The following DOK6 variants were observed in gnomAD, a reference collection of about 807,000 sequenced individuals.
DOK6 encodes the protein docking protein 6.
Under a neutral mutation model 44.0 loss-of-function variants are expected in DOK6, and 22 were observed. The observed-to-expected ratio is 0.50, with a 90% CI of 0.36 to 0.71. DOK6 has a LOEUF of 0.71. DOK6 is among the 30% of genes least tolerant of loss of function. The pLI, the probability that DOK6 is intolerant of heterozygous loss-of-function variation, is 0.00. For missense variants in DOK6, 340 were observed against 416.4 expected (o/e 0.82, Z 1.60); for synonymous variants, 166 against 145.5 (o/e 1.14, Z -1.01).
intron 3 of DOK6, chr18:69,663,514 A>G (rs1051404776): frequency 2.6e-5 from 4 of 152,160 alleles, no homozygotes; most frequent in African/African-American, 9.7e-5. Context: ...GGCCCCAATG[A>G]CAGATAATAA....
At chr18:69,824,517 A>G (rs1161922544) in intron 7 of DOK6, among the ~76,000 whole-genome samples, 3 of 151,772 alleles carry the variant, frequency 2.0e-5, no homozygotes, top group African/African-American at 4.8e-5. Flanking sequence ...ACGTGCCACC[A>G]TGCCAACTAA....
chr18:69,574,676 A>G (rs77779821), intron 2 of DOK6, among the ~76,000 whole-genome samples: 5,188 of 152,198 alleles, frequency 0.034, 98 homozygotes, highest in Middle Eastern at 0.048. Context: ...GCCCAAAAAA[A>G]TTGCATGGGG....
chr18:69,569,249 G>A (rs1983058354), intron 2 of DOK6, among the ~76,000 whole-genome samples: 2 of 152,164 alleles, frequency 1.3e-5, no homozygotes, highest in Admixed American at 1.3e-4. Context: ...TCTTAAATAT[G>A]TACATAAACT....
intron 1 of DOK6, among the ~76,000 whole-genome samples, chr18:69,528,550 T>C (rs770819501): frequency 6.6e-6 from 1 of 152,134 alleles, no homozygotes; most frequent in Non-Finnish European, 1.5e-5. Flanking sequence ...CTGGTAAGAA[T>C]ACTTCTCCTA....
chr18:69,698,016 A>G (rs1263603617), intron 4 of DOK6, among the ~76,000 whole-genome samples: 1 of 152,198 alleles, frequency 6.6e-6, no homozygotes, highest in Non-Finnish European at 1.5e-5. Flanking sequence ...GAGAGCAAAT[A>G]AGACATCCCT....
chr18:69,782,870 T>C (rs1470461524), intron 7 of DOK6, among the ~76,000 whole-genome samples: 1 of 152,200 alleles, frequency 6.6e-6, no homozygotes, highest in African/African-American at 2.4e-5. Flanking sequence ...CCTACTATCC[T>C]CCCTGAAGTG....
chr18:69,477,428 G>A (rs1352829576), intron 1 of DOK6, among the ~76,000 whole-genome samples: 2 of 152,092 alleles, frequency 1.3e-5, no homozygotes, highest in Non-Finnish European at 2.9e-5. Context: ...GTCTCTAATT[G>A]TATTTCTTTG....
intron 3 of DOK6, among the ~76,000 whole-genome samples, chr18:69,632,246 G>A (rs1383757589): frequency 6.6e-6 from 1 of 152,134 alleles, no homozygotes; most frequent in Non-Finnish European, 1.5e-5. Context: ...TTGACAGTGG[G>A]AAATTGAGTG....
intron 2 of DOK6, among the ~76,000 whole-genome samples, chr18:69,587,770 A>AACACACACAC (rs138552349): frequency 0.06 from 8,959 of 149,040 alleles, 334 homozygotes; most frequent in East Asian, 0.14. Flanking sequence ...TGTAAATTTA[A>AACACACACAC]ACACACACAC....
intron 4 of DOK6, 135 bp downstream of exon 4, chr18:69,677,988 C>A: frequency 7.5e-7 from 1 of 1,338,138 alleles, no homozygotes; most frequent in Non-Finnish European, 9.8e-7. Flanking sequence ...GTGGCGCAAA[C>A]CTGTAATCCC....
intron 1 of DOK6, among the ~76,000 whole-genome samples, chr18:69,438,446 T>C (rs984324377): frequency 6.6e-6 from 1 of 152,218 alleles, no homozygotes; most frequent in African/African-American, 2.4e-5. Context: ...ATTTTAGTTA[T>C]CTTGCTATTT....
chr18:69,827,259 T>C (rs1232913852), intron 7 of DOK6, among the ~76,000 whole-genome samples: 2 of 152,102 alleles, frequency 1.3e-5, no homozygotes, highest in Non-Finnish European at 2.9e-5. Flanking sequence ...TCCCTCTCCA[T>C]TCCCAATCTC....
intron 7 of DOK6, among the ~76,000 whole-genome samples, chr18:69,809,830 A>G (rs1253317291): frequency 1.3e-5 from 2 of 151,958 alleles, no homozygotes; most frequent in Admixed American, 6.6e-5. Context: ...AAAGAAATTG[A>G]AGAAGACACA....
rs766043126 is a variant in DOK6, at chr18:69,824,981, T to C, written c.857-16263T>C. ...AATTCAAACTATTTTTCTAAATTTC[T>C]TTCTAGTGTTACTTAATGCTTATCT... On this transcript the variant is annotated intron_variant, in intron 7 of 7. Coordinates refer to ENST00000382713, the MANE Select transcript of DOK6 (RefSeq NM_152721.6). Among the ~76,000 whole-genome samples the C allele has an allele frequency of 5.9e-5, 9 of 152,246 alleles. No individual in the cohort carries two copies. The South Asian group carries it at 8.3e-4, about 14-fold the overall frequency.
intron 5 of DOK6, among the ~76,000 whole-genome samples, chr18:69,714,823 A>G (rs1986845665): frequency 6.6e-6 from 1 of 152,178 alleles, no homozygotes; most frequent in Non-Finnish European, 1.5e-5. Flanking sequence ...GAGTGTATTT[A>G]TATAAATTTA....
At chr18:69,617,383 AAG>A (rs1213996264) in intron 3 of DOK6, among the ~76,000 whole-genome samples, 6 of 150,968 alleles carry the variant, frequency 4.0e-5, no homozygotes, top group East Asian at 1.9e-4. Flanking sequence ...ATAGGAGAAA[AAG>A]AGAGAGAGAG....
chr18:69,636,755 C>T (rs1984819266), intron 3 of DOK6, among the ~76,000 whole-genome samples: 1 of 152,150 alleles, frequency 6.6e-6, no homozygotes, highest in Non-Finnish European at 1.5e-5. Flanking sequence ...AACTTATGAT[C>T]AGGGCTACCA....
intron 7 of DOK6, among the ~76,000 whole-genome samples, chr18:69,774,133 GATATATATATAT>G (rs111360276): frequency 4.5e-5 from 3 of 66,866 alleles, no homozygotes; most frequent in Admixed American, 2.1e-4. Context: ...ATATATATGA[GATATATATATAT>G]ATATATATAT....
intron 2 of DOK6, among the ~76,000 whole-genome samples, chr18:69,564,809 C>T (rs1982929529): frequency 6.6e-6 from 1 of 152,124 alleles, no homozygotes; most frequent in Non-Finnish European, 1.5e-5. Flanking sequence ...ATTTTTATTG[C>T]TACTTTGCAA....
Sources: allele counts gnomAD v4.1 joint callset (sites outside exome capture counted in the v4.1 genomes callset), GRCh38; gene constraint gnomAD v4.1.1; transcripts MANE v1.5; gene names NCBI Gene and HGNC (gene_info 2026-07-23, HGNC 2026-07-21).